LARP1B: variants seen among roughly 807,000 people sequenced by gnomAD.
LARP1B encodes la-related protein 1B.
LARP1B carries 76 observed loss-of-function variants against 114.2 expected under a neutral mutation model. The observed-to-expected ratio is 0.67, with a 90% CI of 0.55 to 0.81. The LOEUF (loss-of-function observed/expected upper bound fraction) is 0.81. Among genes scored for constraint, LARP1B ranks in the 30% least tolerant of loss-of-function variants. The pLI, the probability that LARP1B is intolerant of heterozygous loss-of-function variation, is 0.00. For synonymous variants in LARP1B, 345 were observed against 348.0 expected, an observed-to-expected ratio of 0.99 and a Z score of 0.10; for missense variants, 1,014 against 1,075.8, an observed-to-expected ratio of 0.94 and a Z score of 0.80.
chr4:128,176,815 A>G, intron 12 of LARP1B, 57 bp from the exon 13 acceptor site: 2 of 1,488,190 alleles, frequency 1.3e-6, no homozygotes, highest in Admixed American at 1.7e-5. Context: ...AAATGAAACA[A>G]TAAATGGATA....
At chr4:128,082,843 ATTC>A (rs1469988144) in intron 5 of LARP1B, among the ~76,000 whole-genome samples, 35 of 136,652 alleles carry the variant, frequency 2.6e-4, no homozygotes, top group African/African-American at 8.0e-4. Flanking sequence ...TTTATTGATC[ATTC>A]TTGGGTGTTT....
In LARP1B at chr4:128,069,997, A is replaced by T. The variant is rs573264950; in HGVS notation, c.-77-4463A>T. On this transcript the variant is annotated intron_variant, in intron 1 of 19. Transcript: ENST00000326639. ...ATGCATAAATATATTCTCCTTACAA[A>T]AATGAAAAACTTTGATGTCATCTTA... Among the ~76,000 whole-genome samples, 4 of 152,292 alleles carry T rather than the reference A, an allele frequency of 2.6e-5. No homozygotes were observed. The East Asian group carries it at 7.7e-4, about 29-fold the overall frequency.
chr4:128,090,976 A>T (rs1214922035), intron 5 of LARP1B, 25 bp from the exon 6 acceptor site: 1 of 1,501,352 alleles, frequency 6.7e-7, no homozygotes, highest in African/African-American at 1.4e-5. Context: ...ATCGAAGTAT[A>T]TAAAAATATT....
At chr4:128,095,688 A>G (rs1777667538) in intron 7 of LARP1B, among the ~76,000 whole-genome samples, 2 of 151,954 alleles carry the variant, frequency 1.3e-5, no homozygotes, top group South Asian at 4.1e-4. Flanking sequence ...GTAGCTGAAA[A>G]CAAGTTTCCA....
At chr4:128,096,377 T>A (rs1260216139) in intron 7 of LARP1B, among the ~76,000 whole-genome samples, 2 of 152,332 alleles carry the variant, frequency 1.3e-5, no homozygotes, top group Non-Finnish European at 2.9e-5. Context: ...CAAAGGCTAT[T>A]ATTAAATGTA....
chr4:128,177,705 C>T (rs1746822604), intron 13 of LARP1B, among the ~76,000 whole-genome samples: 1 of 152,126 alleles, frequency 6.6e-6, no homozygotes, highest in South Asian at 2.1e-4. Context: ...GGAATTCTCA[C>T]ATGCTGCTGG....
intron 8 of LARP1B, among the ~76,000 whole-genome samples, chr4:128,099,498 G>GT (rs943169771): frequency 3.5e-4 from 53 of 152,006 alleles, no homozygotes; most frequent in African/African-American, 1.1e-3. Flanking sequence ...TGTTGGCCAG[G>GT]TTGTAGCCTT....
At chr4:128,065,725 T>A (rs1019292614) in intron 1 of LARP1B, among the ~76,000 whole-genome samples, 4 of 152,246 alleles carry the variant, frequency 2.6e-5, no homozygotes, top group African/African-American at 4.8e-5. Flanking sequence ...TTTCCTCTGG[T>A]TCATAATACC....
At chr4:128,156,114 G>T (rs977781759) in intron 11 of LARP1B, 7 of 1,609,582 alleles carry the variant, frequency 4.3e-6, no homozygotes, top group Non-Finnish European at 5.9e-6. Context: ...GCACTCCTGA[G>T]CCCTGTGCCT....
At chr4:128,209,192 G>A (rs1758408755) in intron 19 of LARP1B, among the ~76,000 whole-genome samples, 1 of 152,190 alleles carries the variant, frequency 6.6e-6, no homozygotes, top group Non-Finnish European at 1.5e-5. Flanking sequence ...GCCGAGGCGG[G>A]TGGATCGCCT....
At chr4:128,080,234 T>A (rs1468768867) in intron 4 of LARP1B, among the ~76,000 whole-genome samples, 1 of 151,398 alleles carries the variant, frequency 6.6e-6, no homozygotes, top group East Asian at 2.0e-4. Context: ...CTGCCCGCCT[T>A]GGCTTCCCAA....
Position 128,107,267 on chromosome 4 carries a change from T to G in LARP1B, c.942T>G (p.Ile314Met). Residue 314 changes from isoleucine (I) to methionine (M), a missense_variant, in exon 9 of 20, where the codon ATT becomes ATG. By Grantham distance (10) the Ile-to-Met change is conservative. Transcript: ENST00000326639. Reference protein sequence around the residue: ...SVPPTDFSQLIDCPEFVPGQA... With the variant: ...SVPPTDFSQLMDCPEFVPGQA... ...CACCAACAGACTTCTCTCAACTGAT[T>G]GATTGTCCAGAGTTTGTACCAGGCC... 6.2e-7 allele frequency: 1 copy of G among 1,614,178 alleles called. No homozygotes were observed. Among genetic ancestry groups the G allele is most frequent in the Non-Finnish European group, 8.5e-7 (1 of 1,180,018 alleles).
intron 7 of LARP1B, among the ~76,000 whole-genome samples, chr4:128,093,805 G>C (rs1404209117): frequency 1.3e-5 from 2 of 149,762 alleles, no homozygotes; most frequent in Non-Finnish European, 3.0e-5. Flanking sequence ...CCGCCTCCCA[G>C]GTTCAAGCAA....
rs1456102170 is a variant in LARP1B at position 128,194,002 on chromosome 4, T to TA, written c.2004-5436dup. ...TTCCTGATTCTTTCCTTAGCTGTTCTAGTGTGCTAAGAAGTCCATCAAAGA... is the reference window on the plus strand; with the variant it reads ...TTCCTGATTCTTTCCTTAGCTGTTCTAAGTGTGCTAAGAAGTCCATCAAAGA... On this transcript the variant is annotated intron_variant, in intron 15 of 19. Coordinates refer to ENST00000326639, the MANE Select transcript of LARP1B (RefSeq NM_018078.4). 2.7e-4 allele frequency among the ~76,000 whole-genome samples: 41 copies of TA among 152,382 alleles called. No individual in the cohort carries two copies. In the East Asian group the frequency reaches 7.7e-3, roughly 29 times the overall value.
chr4:128,207,388 G>A lies in LARP1B; in HGVS notation c.2547+5G>A, dbSNP rs200663599. 1 of 1,474,856 alleles carries A rather than the reference G, an allele frequency of 6.8e-7. No individual in the cohort carries two copies. Among genetic ancestry groups the A allele is most frequent in the Non-Finnish European group, 9.0e-7 (1 of 1,109,990 alleles). 91.4% of individuals were successfully genotyped at this position (1,474,856 alleles called of 1,614,324 possible). On this transcript the variant is annotated splice_donor_5th_base_variant and intron_variant, in intron 19 of 19. Coordinates refer to ENST00000326639, the MANE Select transcript of LARP1B (RefSeq NM_018078.4). ...TTAGAAGACTTCCGTGTTGATGTAA[G>A]TTTTAAGTCATTTCCTCTATTCTTT...
intron 19 of LARP1B, 112 bp from the exon 20 acceptor site, chr4:128,209,742 AAT>A: frequency 2.5e-6 from 2 of 784,408 alleles, no homozygotes; most frequent in South Asian, 1.8e-5. Flanking sequence ...AAAAAAAAAA[AAT>A]TATACTGAAG....
At chr4:128,212,650 AAAAAAC>A (rs528448316), downstream of LARP1B, among the ~76,000 whole-genome samples, 15 of 152,228 alleles carry the variant, frequency 9.9e-5, no homozygotes, top group East Asian at 2.5e-3. Context: ...CTCTGTCTCA[AAAAAAC>A]AAAAACAAAA....
intron 17 of LARP1B, among the ~76,000 whole-genome samples, chr4:128,203,619 C>T (rs991291924): frequency 1.3e-5 from 2 of 152,088 alleles, no homozygotes; most frequent in Admixed American, 1.3e-4. Context: ...AGTGATCCAC[C>T]CACCTCGGCC....
At chr4:128,096,236 G>C (rs961546412) in intron 7 of LARP1B, among the ~76,000 whole-genome samples, 1 of 151,948 alleles carries the variant, frequency 6.6e-6, no homozygotes, top group Non-Finnish European at 1.5e-5. Context: ...CTCGTGATCC[G>C]CCCGCCTCGG....
Sources: allele counts gnomAD v4.1 joint callset (sites outside exome capture counted in the v4.1 genomes callset), GRCh38; gene constraint gnomAD v4.1.1; transcripts MANE v1.5; gene names NCBI Gene and HGNC (gene_info 2026-07-23, HGNC 2026-07-21).